The following MAP3K7CL variants were observed in gnomAD, a reference collection of about 807,000 sequenced individuals.
The protein encoded by MAP3K7CL is MAP3K7 C-terminal like.
A neutral mutation model predicts 18.6 loss-of-function variants in MAP3K7CL; 16 were observed. The ratio of observed to expected loss-of-function variants is 0.86; its 90% CI spans 0.58 to 1.31. MAP3K7CL has a LOEUF of 1.31. MAP3K7CL is among the 50% of genes most tolerant of loss of function. MAP3K7CL has a pLI of 0.00. For missense variants in MAP3K7CL, 163 were observed against 174.4 expected, an observed-to-expected ratio of 0.93 and a Z score of 0.37; for synonymous variants, 65 against 66.8, an observed-to-expected ratio of 0.97 and a Z score of 0.13.
At chr21:29,155,435 C>T (rs781455930) in intron 3 of MAP3K7CL, among the ~76,000 whole-genome samples, 3 of 152,152 alleles carry the variant, frequency 2.0e-5, no homozygotes, top group Non-Finnish European at 4.4e-5. Flanking sequence ...CGGAAACGCC[C>T]GAGCCGGCTT....
At chr21:29,130,604 G>A (rs2086760585), upstream of MAP3K7CL, 1 of 985,502 alleles carries the variant, frequency 1.0e-6, no homozygotes, top group Non-Finnish European at 1.2e-6. Flanking sequence ...CCTCTGACAG[G>A]AGGAGGGTTT....
intron 2 of MAP3K7CL, among the ~76,000 whole-genome samples, chr21:29,139,542 T>C (rs1223313228): frequency 6.6e-6 from 1 of 152,124 alleles, no homozygotes; most frequent in Admixed American, 6.6e-5. Flanking sequence ...CAAAACCTCA[T>C]CTGCACTAAG....
intron 4 of MAP3K7CL, among the ~76,000 whole-genome samples, chr21:29,103,448 C>A (rs764425175): frequency 1.3e-5 from 2 of 151,814 alleles, no homozygotes; most frequent in African/African-American, 2.4e-5. Flanking sequence ...TTAAAAATTA[C>A]AGTCAGACGC....
At chr21:29,170,059 A>G (rs2087786306) in intron 4 of MAP3K7CL, among the ~76,000 whole-genome samples, 1 of 152,270 alleles carries the variant, frequency 6.6e-6, no homozygotes, top group Admixed American at 6.5e-5. Flanking sequence ...ACCACATTCT[A>G]GCCTATAATA....
At chr21:29,151,230 C>T (rs1376581130) in intron 3 of MAP3K7CL, among the ~76,000 whole-genome samples, 1 of 151,272 alleles carries the variant, frequency 6.6e-6, no homozygotes, top group Non-Finnish European at 1.5e-5. Context: ...AATCCCAGCA[C>T]TTTGGGAGGC....
chr21:29,169,871 T>A (rs1009275630), intron 4 of MAP3K7CL, among the ~76,000 whole-genome samples: 1 of 152,224 alleles, frequency 6.6e-6, no homozygotes, highest in Non-Finnish European at 1.5e-5. Context: ...AGGCAACAGA[T>A]GAGCTATGGT....
intron 4 of MAP3K7CL, among the ~76,000 whole-genome samples, chr21:29,104,861 A>G (rs897571300): frequency 6.6e-6 from 1 of 152,170 alleles, no homozygotes; most frequent in Non-Finnish European, 1.5e-5. Context: ...CAGTCTTTTC[A>G]TGCCTTGGCC....
At chr21:29,166,251 G>T (rs2087685816) in intron 4 of MAP3K7CL, among the ~76,000 whole-genome samples, 1 of 152,114 alleles carries the variant, frequency 6.6e-6, no homozygotes, top group Admixed American at 6.6e-5. Flanking sequence ...GAGCGTGATT[G>T]TGTGGTCTTT....
Position 29,133,382 on chromosome 21 carries a change from TA to T in MAP3K7CL, c.39del (p.Arg14AlafsTer26). On this transcript the variant is annotated frameshift_variant, in exon 2 of 5. Coordinates refer to ENST00000399928, the MANE Select transcript of MAP3K7CL (RefSeq NM_001286620.2). LOFTEE classifies it high-confidence loss of function. ...STARVPADKP[V>X]RIAFSLNDAS... ...GCCAGGGTACCTGCTGACAAGCCTG[TA>T]CGCATCGCCTTTAGCCTCAATGACG... 1 of 1,550,284 alleles carries T rather than the reference TA, an allele frequency of 6.5e-7. No homozygotes were observed. Among genetic ancestry groups the T allele is most frequent in the East Asian group, 2.4e-5 (1 of 40,916 alleles).
At chr21:29,114,780 G>A (rs2086477888) in intron 4 of MAP3K7CL, among the ~76,000 whole-genome samples, 1 of 152,236 alleles carries the variant, frequency 6.6e-6, no homozygotes, top group Non-Finnish European at 1.5e-5. Context: ...ACTGTAGGGT[G>A]TAGACCAGGC....
intron 4 of MAP3K7CL, among the ~76,000 whole-genome samples, chr21:29,110,392 T>A (rs1175316779): frequency 6.6e-6 from 1 of 152,080 alleles, no homozygotes; most frequent in Non-Finnish European, 1.5e-5. Flanking sequence ...CTCCGTTTTT[T>A]ATCTCTGTAT....
chr21:29,090,862 T>C (rs2086014831), intron 1 of MAP3K7CL, among the ~76,000 whole-genome samples: 1 of 151,980 alleles, frequency 6.6e-6, no homozygotes, highest in Admixed American at 6.6e-5. Context: ...CATTGGTCAA[T>C]AGAAATATAA....
At chr21:29,097,557 C>A (rs1300567041) in intron 4 of MAP3K7CL, among the ~76,000 whole-genome samples, 1 of 151,788 alleles carries the variant, frequency 6.6e-6, no homozygotes. Flanking sequence ...AGTTCTTAGG[C>A]CAATAGATAG....
Position 29,155,644 on chromosome 21 carries a change from C to T in MAP3K7CL, c.133-4297C>T, listed in dbSNP as rs112581655. Among the ~76,000 whole-genome samples, 1,166 of 152,318 alleles carry T rather than the reference C, an allele frequency of 7.7e-3. 21 individuals are homozygous for T. The highest frequency in any genetic ancestry group is 0.027 in the African/African-American group (1,119 of 41,570). ...TCTCTCTTACTTCATCTTGTTAAATCGGTCCTGATAATTGGGGCGGATACC... is the reference window on the plus strand; with the variant it reads ...TCTCTCTTACTTCATCTTGTTAAATTGGTCCTGATAATTGGGGCGGATACC... On this transcript the variant is annotated intron_variant, in intron 3 of 4. Transcript: ENST00000399928.
intron 1 of MAP3K7CL, among the ~76,000 whole-genome samples, chr21:29,132,252 A>G (rs2086793435): frequency 6.6e-6 from 1 of 152,030 alleles, no homozygotes; most frequent in South Asian, 2.1e-4. Context: ...AACCAGAAAT[A>G]TTCATGTGTT....
At chr21:29,126,171 G>A (rs1040611856), upstream of MAP3K7CL, among the ~76,000 whole-genome samples, 1 of 152,184 alleles carries the variant, frequency 6.6e-6, no homozygotes, top group Non-Finnish European at 1.5e-5. Flanking sequence ...GCTGTCCACT[G>A]GATGTTCAGT....
intron 4 of MAP3K7CL, among the ~76,000 whole-genome samples, chr21:29,169,746 T>C (rs550017455): frequency 9.2e-5 from 14 of 152,342 alleles, no homozygotes; most frequent in African/African-American, 3.4e-4. Flanking sequence ...ATCTCCTTAA[T>C]TTTGGAATTA....
At chr21:29,115,458 G>A (rs1474889900) in intron 4 of MAP3K7CL, among the ~76,000 whole-genome samples, 2 of 152,158 alleles carry the variant, frequency 1.3e-5, no homozygotes, top group Admixed American at 6.5e-5. Flanking sequence ...GAAATATCAG[G>A]GAACTTAGCT....
chr21:29,096,795 T>C (rs1428536895), intron 4 of MAP3K7CL, among the ~76,000 whole-genome samples: 1 of 152,158 alleles, frequency 6.6e-6, no homozygotes, highest in Non-Finnish European at 1.5e-5. Context: ...AATCATCCGA[T>C]CTATCTCTTT....
Sources: allele counts gnomAD v4.1 joint callset (sites outside exome capture counted in the v4.1 genomes callset), GRCh38; gene constraint gnomAD v4.1.1; transcripts MANE v1.5; gene names NCBI Gene and HGNC (gene_info 2026-07-23, HGNC 2026-07-21).